RPS6KA2: variants seen among roughly 807,000 people sequenced by gnomAD.
RPS6KA2 encodes ribosomal protein S6 kinase A2, also known as ribosomal protein S6 kinase alpha-2.
In RPS6KA2, 42 loss-of-function variants were observed where a neutral mutation model predicts 91.8. That is an observed-to-expected ratio of 0.46 (90% CI 0.36 to 0.59). RPS6KA2 has a LOEUF of 0.59. Among genes scored for constraint, RPS6KA2 ranks in the 20% least tolerant of loss-of-function variants. The probability of loss-of-function intolerance (pLI) is 0.00; values close to 1 mark genes in which losing one functional copy is unlikely to be tolerated. For missense variants in RPS6KA2, 798 were observed against 978.5 expected, an observed-to-expected ratio of 0.82 and a Z score of 2.46; for synonymous variants, 414 against 393.6, an observed-to-expected ratio of 1.05 and a Z score of -0.61.
intron 1 of RPS6KA2, among the ~76,000 whole-genome samples, chr6:166,572,560 T>C (rs1257036112): frequency 1.3e-5 from 2 of 152,226 alleles, no homozygotes; most frequent in South Asian, 4.1e-4. Flanking sequence ...CTCACATAGC[T>C]CTCATTGCCG....
At chr6:166,566,224 C>T (rs1316481553) in intron 1 of RPS6KA2, among the ~76,000 whole-genome samples, 1 of 152,212 alleles carries the variant, frequency 6.6e-6, no homozygotes, top group Non-Finnish European at 1.5e-5. Context: ...GGCCATGTTC[C>T]TCTTCATGAT....
chr6:166,783,823 TATGCACACGTGCACACCTATCTATAC>T lies in RPS6KA2; in HGVS notation c.123+74351_123+74376del, dbSNP rs1212231341. ...ACGTGCACAGTTACCTGTAACCACA[TATGCACACGTGCACACCTATCTATAC>T]CACATATGCACACGTGCACACCTAC... is the stretch of plus-strand genomic sequence containing the variant. On this transcript the variant is annotated intron_variant, in intron 2 of 21. Transcript: ENST00000503859. Among the ~76,000 whole-genome samples, 4 of 85,758 alleles carry T rather than the reference TATGCACACGTGCACACCTATCTATAC, an allele frequency of 4.7e-5. 1 individual carries two copies. Among genetic ancestry groups the T allele is most frequent in the Non-Finnish European group, 1.2e-4 (4 of 33,064 alleles). 56.3% of individuals were successfully genotyped at this position (85,758 alleles called of 152,430 possible). A position where few individuals can be genotyped will look rare whatever the true frequency, so the allele number is the denominator to read the frequency against.
At chr6:166,719,802 T>C (rs1284064220) in intron 2 of RPS6KA2, among the ~76,000 whole-genome samples, 2 of 152,246 alleles carry the variant, frequency 1.3e-5, no homozygotes, top group Non-Finnish European at 2.9e-5. Flanking sequence ...CAGTCTTGCA[T>C]TGATCCCAAC....
At chr6:166,855,965 C>T (rs1780889801) in intron 2 of RPS6KA2, among the ~76,000 whole-genome samples, 1 of 152,172 alleles carries the variant, frequency 6.6e-6, no homozygotes, top group East Asian at 1.9e-4. Flanking sequence ...ATTCCGTTAT[C>T]AAAAACAACT....
intron 10 of RPS6KA2, among the ~76,000 whole-genome samples, chr6:166,470,562 G>A (rs1780725419): frequency 6.6e-6 from 1 of 152,234 alleles, no homozygotes; most frequent in African/African-American, 2.4e-5. Context: ...CAGAAAGGAA[G>A]GAGGGAGGAG....
At chr6:166,789,355 G>A (rs1043137399) in intron 2 of RPS6KA2, among the ~76,000 whole-genome samples, 2 of 152,272 alleles carry the variant, frequency 1.3e-5, no homozygotes, top group African/African-American at 4.8e-5. Context: ...AAACAAAGCA[G>A]CTGGGAAGCT....
chr6:166,658,236 G>T (rs1246815680), intron 2 of RPS6KA2, among the ~76,000 whole-genome samples: 1 of 152,116 alleles, frequency 6.6e-6, no homozygotes, highest in Non-Finnish European at 1.5e-5. Context: ...CAAGTTGATG[G>T]CCTCGGTGAG....
chr6:166,536,617 A>G (rs1162728423), intron 2 of RPS6KA2, among the ~76,000 whole-genome samples: 1 of 152,156 alleles, frequency 6.6e-6, no homozygotes, highest in Non-Finnish European at 1.5e-5. Flanking sequence ...TTAATCCACG[A>G]AGCGGACCTA....
intron 3 of RPS6KA2, among the ~76,000 whole-genome samples, chr6:166,511,596 G>T (rs1423112115): frequency 2.0e-5 from 3 of 152,202 alleles, no homozygotes; most frequent in African/African-American, 7.2e-5. Context: ...ACCCAGGGCA[G>T]TATCCGGGAC....
intron 2 of RPS6KA2, among the ~76,000 whole-genome samples, chr6:166,647,666 C>T (rs1787651232): frequency 6.6e-6 from 1 of 152,206 alleles, no homozygotes; most frequent in Non-Finnish European, 1.5e-5. Context: ...AATAGCCCCA[C>T]CATTTAGCCA....
intron 12 of RPS6KA2, among the ~76,000 whole-genome samples, chr6:166,452,031 A>G (rs1292534433): frequency 6.6e-6 from 1 of 152,228 alleles, no homozygotes; most frequent in Non-Finnish European, 1.5e-5. Flanking sequence ...GAATTCTGAT[A>G]GCTACCATAG....
chr6:166,763,745 G>A (rs1778232317), intron 2 of RPS6KA2, among the ~76,000 whole-genome samples: 1 of 152,178 alleles, frequency 6.6e-6, no homozygotes, highest in African/African-American at 2.4e-5. Context: ...CGGATGAACG[G>A]CGACGACCTT....
In RPS6KA2 at chr6:166,688,414, G is replaced by A. The variant is rs538068920; in HGVS notation, c.124-149630C>T. ...CTGCTCATCCCCGGCCTTGCCAGGGGCACATTTTTACCTCCAGTGCAGCTG... is the reference window on the plus strand; with the variant it reads ...CTGCTCATCCCCGGCCTTGCCAGGGACACATTTTTACCTCCAGTGCAGCTG... On this transcript the variant is annotated intron_variant, in intron 2 of 21. Transcript: ENST00000503859. 1.5e-3 allele frequency among the ~76,000 whole-genome samples: 223 copies of A among 152,318 alleles called. 1 individual carries two copies. Among genetic ancestry groups the A allele is most frequent in the African/African-American group, 5.1e-3 (212 of 41,560 alleles).
intron 19 of RPS6KA2, among the ~76,000 whole-genome samples, chr6:166,414,554 C>T (rs966667080): frequency 6.6e-6 from 1 of 152,180 alleles, no homozygotes; most frequent in East Asian, 1.9e-4. Context: ...TTGCAGAGTA[C>T]TTGGTTACAG....
In RPS6KA2 at chr6:166,852,069, A is replaced by G. The variant is rs867322056; in HGVS notation, c.123+6131T>C. ...TGCGTCTAAACACAGATGGGCCTGC[A>G]GTGGCTTAGCCGCATCACCCGCTTT... On this transcript the variant is annotated intron_variant, in intron 2 of 21. Coordinates refer to the RPS6KA2 transcript ENST00000503859. This position sits in a 1 kb window ranked among gnomAD's most constrained non-coding sequence, Gnocchi z 4.1. Among the ~76,000 whole-genome samples the G allele has an allele frequency of 2.0e-5, 3 of 152,234 alleles. No individual in the cohort carries two copies. Among genetic ancestry groups the G allele is most frequent in the Admixed American group, 6.5e-5 (1 of 15,284 alleles).
rs528751595 is a variant in RPS6KA2, at chr6:166,818,991, A to T, written c.123+39209T>A. Among the ~76,000 whole-genome samples, 4 of 152,028 alleles carry T rather than the reference A, an allele frequency of 2.6e-5. No homozygotes were observed. In the East Asian group the frequency reaches 7.8e-4, roughly 29 times the overall value. ...GTGTGGCTTACACACCAAGCTCAGG[A>T]TGCATGTTTTCTTATGACTATGGGG... On this transcript the variant is annotated intron_variant, in intron 2 of 21. Coordinates refer to the RPS6KA2 transcript ENST00000503859.
rs731040 is a variant in RPS6KA2, at chr6:166,627,069, C to T, written c.-50G>A. On this transcript the variant is annotated 5_prime_UTR_variant, in exon 1 of 21. Coordinates refer to ENST00000265678, the MANE Select transcript of RPS6KA2 (RefSeq NM_021135.6). Reference sequence around the variant, plus strand: ...CCGCAGGGCCGGGGGACGCGCATCCCCGGCATCCCAGGCGCGGGGCTCAGG... The same window carrying T: ...CCGCAGGGCCGGGGGACGCGCATCCTCGGCATCCCAGGCGCGGGGCTCAGG... 5,268 of 1,318,542 alleles carry T rather than the reference C, an allele frequency of 4.0e-3. 190 individuals carry two copies. In the East Asian group the frequency reaches 0.1, roughly 25 times the overall value. The allele number at this position is 1,318,542 out of a possible 1,614,324, so 81.7% of individuals were successfully genotyped here. A position where few individuals can be genotyped will look rare whatever the true frequency, so the allele number is the denominator to read the frequency against.
intron 14 of RPS6KA2, among the ~76,000 whole-genome samples, chr6:166,446,482 C>G (rs1371440779): frequency 6.6e-6 from 1 of 152,200 alleles, no homozygotes; most frequent in East Asian, 1.9e-4. Context: ...AACAGGAAGA[C>G]CGGGCTCTTT....
chr6:166,429,055 G>T (rs1187712044), intron 16 of RPS6KA2, among the ~76,000 whole-genome samples: 3 of 152,000 alleles, frequency 2.0e-5, no homozygotes, highest in African/African-American at 7.3e-5. Context: ...AACAATGATA[G>T]ACTGGATTAA....
Sources: allele counts gnomAD v4.1 joint callset (sites outside exome capture counted in the v4.1 genomes callset), GRCh38; gene constraint gnomAD v4.1.1; non-coding constraint Gnocchi (gnomAD v3.1); transcripts MANE v1.5; gene names NCBI Gene and HGNC (gene_info 2026-07-23, HGNC 2026-07-21).